Variants in ZNF423 observed in about 807,000 individuals in gnomAD.
ZNF423 encodes the protein zinc finger protein 423, also known as Ebf-associated zinc finger protein.
Under a neutral mutation model 95.8 loss-of-function variants are expected in ZNF423, and 12 were observed. The observed-to-expected ratio is 0.13, with a 90% confidence interval of 0.08 to 0.20. The LOEUF is 0.20. ZNF423 is among the 10% of genes least tolerant of loss of function. The pLI is 1.00. For synonymous variants in ZNF423, 749 were observed against 711.9 expected (o/e 1.05, Z -0.83); for missense variants, 1,316 against 1,737.1 (o/e 0.76, Z 4.31).
At chr16:49,587,188 G>A (rs900890505) in intron 5 of ZNF423, among the ~76,000 whole-genome samples, 7 of 152,146 alleles carry the variant, frequency 4.6e-5, no homozygotes, top group Admixed American at 3.3e-4. Context: ...TTTCCCATGC[G>A]TTCCTTTAGG....
chr16:49,650,669 G>T (rs897172255), intron 3 of ZNF423, among the ~76,000 whole-genome samples: 1 of 152,212 alleles, frequency 6.6e-6, no homozygotes, highest in Admixed American at 6.5e-5. Context: ...ATCCCATTCA[G>T]TTAGTGAATC....
At chr16:49,545,552 G>C (rs537425356) in intron 5 of ZNF423, among the ~76,000 whole-genome samples, 3 of 152,160 alleles carry the variant, frequency 2.0e-5, no homozygotes, top group Non-Finnish European at 2.9e-5. Context: ...GTTCAGCACC[G>C]AGCCTCCGAC....
chr16:49,568,907 G>T (rs1457585876), intron 5 of ZNF423, among the ~76,000 whole-genome samples: 1 of 151,970 alleles, frequency 6.6e-6, no homozygotes, highest in Non-Finnish European at 1.5e-5. Context: ...CTGGTCCCAG[G>T]GCCTTCCCAC....
intron 3 of ZNF423, among the ~76,000 whole-genome samples, chr16:49,665,013 C>T (rs2030466266): frequency 6.6e-6 from 1 of 152,170 alleles, no homozygotes; most frequent in South Asian, 2.1e-4. Context: ...GGCTTCCCTC[C>T]GCTCAGCCTT....
rs1490947948 is a variant in ZNF423 at position 49,489,497 on chromosome 16, A to G, written c.*1778T>C. 11 of 152,230 alleles carry G rather than the reference A, an allele frequency of 7.2e-5. No individual in the cohort carries two copies. The highest frequency in any genetic ancestry group is 6.5e-4 in the Admixed American group (10 of 15,280). The allele number at this position is 152,230 out of a possible 1,614,324, so 9.4% of individuals were successfully genotyped here. A position where few individuals can be genotyped will look rare whatever the true frequency, so the allele number is the denominator to read the frequency against. On this transcript the variant is annotated 3_prime_UTR_variant, in exon 8 of 8. Transcript: ENST00000563137. ...GCCCACTACTGGCAGGGTCTGCTCTATGATTCACATATGTAAGATGCCTTT... is the reference window on the plus strand; with the variant it reads ...GCCCACTACTGGCAGGGTCTGCTCTGTGATTCACATATGTAAGATGCCTTT...
At chr16:49,704,976 G>A (rs1271345308) in intron 3 of ZNF423, among the ~76,000 whole-genome samples, 1 of 152,172 alleles carries the variant, frequency 6.6e-6, no homozygotes, top group Non-Finnish European at 1.5e-5. Flanking sequence ...ACCTCCAGGA[G>A]GCCACCCTTT....
intron 5 of ZNF423, among the ~76,000 whole-genome samples, chr16:49,559,251 C>T (rs1567467506): frequency 6.6e-6 from 1 of 152,268 alleles, no homozygotes; most frequent in Non-Finnish European, 1.5e-5. Flanking sequence ...GATATTGCCA[C>T]TTCCCGCTTT....
At chr16:49,604,737 G>T (rs1048538807) in intron 5 of ZNF423, among the ~76,000 whole-genome samples, 1 of 151,868 alleles carries the variant, frequency 6.6e-6, no homozygotes, top group African/African-American at 2.4e-5. Flanking sequence ...CATCCTCAAG[G>T]CTCAGAATTT....
chr16:49,647,071 C>T (rs887043485), intron 3 of ZNF423, among the ~76,000 whole-genome samples: 1 of 152,378 alleles, frequency 6.6e-6, no homozygotes. Flanking sequence ...CACCAGGCTA[C>T]ACTGCTTCAC....
intron 5 of ZNF423, among the ~76,000 whole-genome samples, chr16:49,573,803 T>C (rs892813462): frequency 2.0e-5 from 3 of 152,176 alleles, no homozygotes; most frequent in African/African-American, 7.2e-5. Flanking sequence ...ACCCAGCTGA[T>C]TACCAATTCC....
At position 49,635,701 on chromosome 16, in the gene ZNF423, T is replaced by C. The variant is rs755470772; in HGVS notation, c.3475A>G (p.Ser1159Gly). The change falls in exon 4 of 8, where the codon AGT (serine) becomes GGT (glycine). Residue 1159 changes from serine to glycine, a missense_variant. Ser to Gly is a moderately conservative substitution (Grantham distance 56, BLOSUM62 0). Transcript: ENST00000563137. The surrounding 1 kb of genome is among the most constrained non-coding windows in gnomAD (Gnocchi z 4.8). ...VDHRDLTPET[S>G]GPRKGTQTSP... ...GTCTGGGTGCCTTTCCGGGGCCCACTGGTCTCCGGCGTGAGGTCACGGTGG... is the reference window on the plus strand; with the variant it reads ...GTCTGGGTGCCTTTCCGGGGCCCACCGGTCTCCGGCGTGAGGTCACGGTGG... 1.4e-5 allele frequency: 23 copies of C among 1,598,172 alleles called. No individual in the cohort carries two copies. Among genetic ancestry groups the C allele is most frequent in the South Asian group, 1.1e-5 (1 of 89,094 alleles).
intron 1 of ZNF423, among the ~76,000 whole-genome samples, chr16:49,849,560 G>T (rs996657713): frequency 3.9e-5 from 6 of 152,120 alleles, no homozygotes; most frequent in African/African-American, 1.4e-4. Context: ...TGAAGAATTC[G>T]GAGATAATGA....
chr16:49,815,869 AC>A (rs1406502093), intron 1 of ZNF423, among the ~76,000 whole-genome samples: 5,083 of 34,662 alleles, frequency 0.15, 416 homozygotes, highest in Middle Eastern at 0.19. Flanking sequence ...TTCCAAACAA[AC>A]AAAAAAAAAA....
intron 3 of ZNF423, among the ~76,000 whole-genome samples, chr16:49,675,053 T>C (rs940492681): frequency 6.6e-6 from 1 of 152,144 alleles, no homozygotes; most frequent in African/African-American, 2.4e-5. Context: ...GTGGAATTCA[T>C]CTGCTGTGAG....
rs2033241175 is a variant in ZNF423 at position 49,734,545 on chromosome 16, GC to G, written c.101-3575del. 2.0e-5 allele frequency among the ~76,000 whole-genome samples: 3 copies of G among 152,334 alleles called. No homozygotes were observed. In the South Asian group the frequency reaches 6.2e-4, roughly 32 times the overall value. ...GGCTGGGGAGGGCTTCCCGAAAACA[GC>G]CGGCTGGCTCCTTTCCCTCTGGCTC... On this transcript the variant is annotated intron_variant, in intron 2 of 7. Coordinates refer to ENST00000563137, the MANE Select transcript of ZNF423 (RefSeq NM_001379286.1).
rs566945446 is a variant in ZNF423 at position 49,807,355 on chromosome 16, C to T, written c.41-17809G>A. Among the ~76,000 whole-genome samples the T allele has an allele frequency of 9.8e-4, 149 of 151,860 alleles. 4 individuals carry two copies. The South Asian group carries it at 0.028, about 29-fold the overall frequency. On this transcript the variant is annotated intron_variant, in intron 1 of 7. Coordinates refer to ENST00000563137, the MANE Select transcript of ZNF423 (RefSeq NM_001379286.1). ...CTGAGGCAGGAGAATGGCGTGAACC[C>T]GGGAGGCAGAGCTTGCAGTGAGTGG...
intron 7 of ZNF423, among the ~76,000 whole-genome samples, chr16:49,519,896 C>G (rs1968320170): frequency 6.6e-6 from 1 of 152,158 alleles, no homozygotes; most frequent in Non-Finnish European, 1.5e-5. Flanking sequence ...TCATCCTAGC[C>G]CTGGCACCCA....
At chr16:49,771,492 A>T (rs2034034720) in intron 2 of ZNF423, among the ~76,000 whole-genome samples, 1 of 152,148 alleles carries the variant, frequency 6.6e-6, no homozygotes, top group Non-Finnish European at 1.5e-5. Flanking sequence ...GGCATGAGCC[A>T]CCAAGTACAG....
intron 2 of ZNF423, among the ~76,000 whole-genome samples, chr16:49,782,369 T>A (rs1188032415): frequency 6.6e-6 from 1 of 152,232 alleles, no homozygotes; most frequent in Non-Finnish European, 1.5e-5. Context: ...CTCACATGTA[T>A]GTGAAAAGCA....
Sources: allele counts gnomAD v4.1 joint callset (sites outside exome capture counted in the v4.1 genomes callset), GRCh38; gene constraint gnomAD v4.1.1; non-coding constraint Gnocchi (gnomAD v3.1); transcripts MANE v1.5; gene names NCBI Gene and HGNC (gene_info 2026-07-23, HGNC 2026-07-21).